ADD3: variants seen among roughly 807,000 people sequenced by gnomAD.
The protein encoded by ADD3 is adducin 3.
Under a neutral mutation model 80.2 loss-of-function variants are expected in ADD3, and 25 were observed. The observed-to-expected ratio is 0.31, with a 90% CI of 0.23 to 0.44. The LOEUF (loss-of-function observed/expected upper bound fraction) is 0.44. Among genes scored for constraint, ADD3 ranks in the 20% least tolerant of loss-of-function variants. The probability of loss-of-function intolerance (pLI) is 1.00; values close to 1 mark genes in which losing one functional copy is unlikely to be tolerated. For synonymous variants in ADD3, 284 were observed against 289.6 expected, an observed-to-expected ratio of 0.98 and a Z score of 0.20; for missense variants, 829 against 847.5, an observed-to-expected ratio of 0.98 and a Z score of 0.27.
chr10:110,008,844 C>T (rs919456998), intron 1 of ADD3, among the ~76,000 whole-genome samples: 6 of 152,036 alleles, frequency 3.9e-5, no homozygotes, highest in Admixed American at 3.9e-4. Flanking sequence ...GCTTCCCCAC[C>T]CCCCAACACA....
intron 13 of ADD3, among the ~76,000 whole-genome samples, chr10:110,131,376 A>C (rs1417360001): frequency 6.6e-6 from 1 of 152,218 alleles, no homozygotes; most frequent in Non-Finnish European, 1.5e-5. Flanking sequence ...CACCTGAAAA[A>C]TACATGCTTT....
Position 110,100,680 on chromosome 10 carries a change from GA to G in ADD3, c.28del (p.Ile10LeufsTer42). ...TGAGCTCAGATGCCAGCCAAGGCGT[GA>G]TTACCACTCCTCCTCCTCCCAGCAT... MSSDASQGVITTPPPPSMPH... is the reference protein window; with the variant it reads MSSDASQGVXTTPPPPSMPH... On this transcript the variant is annotated frameshift_variant, in exon 2 of 15. Coordinates refer to ENST00000356080, the MANE Select transcript of ADD3 (RefSeq NM_016824.5). LOFTEE classifies it high-confidence loss of function. The G allele has an allele frequency of 6.2e-7, 1 of 1,611,572 alleles. No individual in the cohort carries two copies. Among genetic ancestry groups the G allele is most frequent in the Non-Finnish European group, 8.5e-7 (1 of 1,179,004 alleles).
chr10:110,075,205 A>G (rs1845245303), intron 1 of ADD3, among the ~76,000 whole-genome samples: 1 of 152,204 alleles, frequency 6.6e-6, no homozygotes, highest in Admixed American at 6.5e-5. Context: ...CCAGTAAATC[A>G]GAGTGTCTAT....
chr10:110,122,778 TGC>T (rs1402332003), intron 9 of ADD3, among the ~76,000 whole-genome samples: 1 of 151,906 alleles, frequency 6.6e-6, no homozygotes, highest in Non-Finnish European at 1.5e-5. Flanking sequence ...TGTGCCACCG[TGC>T]CTGGCTAATT....
At chr10:110,088,245 A>G (rs7069230) in intron 1 of ADD3, among the ~76,000 whole-genome samples, 1,833 of 152,284 alleles carry the variant, frequency 0.012, 42 homozygotes, top group African/African-American at 0.04. Context: ...TTCAACCACT[A>G]TAGTACAGTA....
chr10:110,029,904 G>A (rs1448992549), intron 1 of ADD3, among the ~76,000 whole-genome samples: 1 of 152,118 alleles, frequency 6.6e-6, no homozygotes, highest in Non-Finnish European at 1.5e-5. Context: ...TTTAAAAATT[G>A]CCCAGACTCG....
At chr10:109,998,100 T>C (rs1851415488) in intron 1 of ADD3, among the ~76,000 whole-genome samples, 1 of 152,128 alleles carries the variant, frequency 6.6e-6, no homozygotes, top group Non-Finnish European at 1.5e-5. Flanking sequence ...AAATTAATGA[T>C]AAATAAGTAC....
At chr10:110,025,110 G>A (rs1854128742) in intron 1 of ADD3, among the ~76,000 whole-genome samples, 1 of 151,900 alleles carries the variant, frequency 6.6e-6, no homozygotes, top group Non-Finnish European at 1.5e-5. Context: ...TGGCCAGGCT[G>A]CTCTTAAACT....
intron 1 of ADD3, among the ~76,000 whole-genome samples, chr10:110,056,514 C>G (rs1219765472): frequency 1.3e-5 from 2 of 152,166 alleles, no homozygotes; most frequent in Non-Finnish European, 2.9e-5. Context: ...CTCCTTATCA[C>G]AAACAGTAGT....
At chr10:110,052,371 G>T (rs2133405256) in intron 1 of ADD3, among the ~76,000 whole-genome samples, 1 of 152,246 alleles carries the variant, frequency 6.6e-6, no homozygotes, top group African/African-American at 2.4e-5. Flanking sequence ...GGGCTGTGTG[G>T]CAGGCAAGTG....
chr10:110,125,951 A>T lies in ADD3; in HGVS notation c.1521+6A>T. ...TACTAGAAAAGAGAAATAAGGTAAGACATGGTCTTCTATAGCCAGGGGAGA... is the reference window on the plus strand; with the variant it reads ...TACTAGAAAAGAGAAATAAGGTAAGTCATGGTCTTCTATAGCCAGGGGAGA... On this transcript the variant is annotated splice_donor_region_variant and intron_variant, in intron 11 of 14. Transcript: ENST00000356080. 6.3e-7 allele frequency: 1 copy of T among 1,599,210 alleles called. No individual in the cohort carries two copies. The highest frequency in any genetic ancestry group is 1.7e-4 in the Middle Eastern group (1 of 5,992).
chr10:110,092,971 T>C (rs1316264434), intron 1 of ADD3, among the ~76,000 whole-genome samples: 2 of 152,124 alleles, frequency 1.3e-5, no homozygotes, highest in African/African-American at 4.8e-5. Flanking sequence ...GCAATTCTCT[T>C]GCCCCAGCCT....
chr10:110,022,825 C>A (rs1853837186), intron 1 of ADD3, among the ~76,000 whole-genome samples: 1 of 152,000 alleles, frequency 6.6e-6, no homozygotes, highest in Non-Finnish European at 1.5e-5. Context: ...TTTAGAGAAT[C>A]CAGTAGCATT....
chr10:110,039,241 ACCT>A (rs10583605), intron 1 of ADD3, among the ~76,000 whole-genome samples: 18,825 of 151,652 alleles, frequency 0.12, 3,721 homozygotes, highest in African/African-American at 0.42. Flanking sequence ...GTCCGCTACC[ACCT>A]CCTCCCATCC....
intron 1 of ADD3, among the ~76,000 whole-genome samples, chr10:110,043,998 A>G (rs1287159288): frequency 6.6e-6 from 1 of 152,092 alleles, no homozygotes; most frequent in Non-Finnish European, 1.5e-5. Flanking sequence ...CACGAGGTCA[A>G]GAGTTCAAGA....
intron 1 of ADD3, among the ~76,000 whole-genome samples, chr10:110,096,888 C>CT (rs1178459540): frequency 6.6e-6 from 1 of 152,188 alleles, no homozygotes; most frequent in Admixed American, 6.5e-5. Context: ...TCCAGCTCAT[C>CT]TAGAGGCATC....
Position 110,048,287 on chromosome 10 carries a change from G to A in ADD3, c.-30+39988G>A, listed in dbSNP as rs537092418. ...TCTCTTTTTCTTTATGAACTATCCA[G>A]CCTTGGGTATGTCTTTATCAGCAGC... On this transcript the variant is annotated intron_variant, in intron 1 of 14. Coordinates refer to ENST00000356080, the MANE Select transcript of ADD3 (RefSeq NM_016824.5). Among the ~76,000 whole-genome samples the A allele has an allele frequency of 2.0e-5, 3 of 152,254 alleles. No homozygotes were observed. The East Asian group carries it at 5.8e-4, about 29-fold the overall frequency.
At chr10:110,096,912 A>G (rs1347689220) in intron 1 of ADD3, among the ~76,000 whole-genome samples, 1 of 152,214 alleles carries the variant, frequency 6.6e-6, no homozygotes, top group Non-Finnish European at 1.5e-5. Flanking sequence ...CAGGTAACTC[A>G]GGTGGAAAGG....
At chr10:110,115,896 G>C (rs1385690455) in intron 3 of ADD3, among the ~76,000 whole-genome samples, 2 of 152,162 alleles carry the variant, frequency 1.3e-5, no homozygotes, top group Non-Finnish European at 2.9e-5. Context: ...TAGAAAAGTA[G>C]CTTTCTGTTG....
Sources: gnomAD v4.1 joint callset for allele counts (sites outside exome capture counted in the v4.1 genomes callset) on GRCh38, gnomAD v4.1.1 for gene constraint, MANE v1.5 for transcripts, NCBI Gene and HGNC (gene_info 2026-07-23, HGNC 2026-07-21) for gene names.